Variants in KLHL2 observed in about 807,000 individuals in gnomAD.
KLHL2 encodes kelch-like protein 2.
A neutral mutation model predicts 75.8 loss-of-function variants in KLHL2; 15 were observed. That is an observed-to-expected ratio of 0.20 (90% CI 0.13 to 0.30). The LOEUF (loss-of-function observed/expected upper bound fraction) is 0.30. Among genes scored for constraint, KLHL2 ranks in the 10% least tolerant of loss-of-function variants. The probability of loss-of-function intolerance (pLI) is 1.00; values close to 1 mark genes in which losing one functional copy is unlikely to be tolerated. For missense variants in KLHL2, 381 were observed against 741.0 expected (o/e 0.51, Z 5.64); for synonymous variants, 214 against 251.9 (o/e 0.85, Z 1.42).
chr4:165,262,375 G>A (rs993716709), intron 4 of KLHL2, among the ~76,000 whole-genome samples: 4 of 152,148 alleles, frequency 2.6e-5, no homozygotes, highest in Admixed American at 6.5e-5. Flanking sequence ...TACCCCGTAA[G>A]GAAAGCAGTT....
At chr4:165,312,295 T>G (rs1746266996) in intron 11 of KLHL2, among the ~76,000 whole-genome samples, 1 of 152,126 alleles carries the variant, frequency 6.6e-6, no homozygotes, top group African/African-American at 2.4e-5. Context: ...GGGGGAACAA[T>G]TCAGGTGACA....
rs1034514470 is a variant in KLHL2 at position 165,250,266 on chromosome 4, G to A, written c.381+11367G>A. 5.3e-5 allele frequency among the ~76,000 whole-genome samples: 8 copies of A among 152,130 alleles called. No individual in the cohort carries two copies. The East Asian group carries it at 5.8e-4, about 11-fold the overall frequency. On this transcript the variant is annotated intron_variant, in intron 4 of 14. Coordinates refer to ENST00000226725, the MANE Select transcript of KLHL2 (RefSeq NM_007246.4). ...TTGAGTGGATGACCATGCTTCATTCGTAGCCACACATCTAGAAGTTGCCAA... is the reference window on the plus strand; with the variant it reads ...TTGAGTGGATGACCATGCTTCATTCATAGCCACACATCTAGAAGTTGCCAA...
chr4:165,321,365 C>G, intron 14 of KLHL2: 1 of 453,008 alleles, frequency 2.2e-6, no homozygotes, highest in Non-Finnish European at 4.4e-6. Flanking sequence ...TCCACTTCCC[C>G]TTAATGAATA....
At chr4:165,317,471 C>T (rs1560835948) in intron 13 of KLHL2, among the ~76,000 whole-genome samples, 1 of 151,314 alleles carries the variant, frequency 6.6e-6, no homozygotes, top group Non-Finnish European at 1.5e-5. Flanking sequence ...TCAAGTGATT[C>T]TCCGGCTTCA....
At chr4:165,318,248 G>T (rs1399999007) in intron 14 of KLHL2, among the ~76,000 whole-genome samples, 1 of 152,128 alleles carries the variant, frequency 6.6e-6, no homozygotes, top group Non-Finnish European at 1.5e-5. Context: ...CAGAGGAGAA[G>T]AATTCATATG....
chr4:165,281,309 C>CTTT lies in KLHL2; in HGVS notation c.545-13039_545-13037dup, dbSNP rs370907639. On this transcript the variant is annotated intron_variant, in intron 5 of 14. Coordinates refer to ENST00000226725, the MANE Select transcript of KLHL2 (RefSeq NM_007246.4). ...CTAACCTGATGCTCTCTCTCTCTCT[C>CTTT]TTTTTTTTTTTTTCATTTTTTATTG... Among the ~76,000 whole-genome samples the CTTT allele has an allele frequency of 5.2e-3, 722 of 139,612 alleles. 10 individuals are homozygous for CTTT. Among genetic ancestry groups the CTTT allele is most frequent in the African/African-American group, 0.017 (639 of 37,218 alleles). The allele number at this position is 139,612 out of a possible 152,430, so 91.6% of individuals were successfully genotyped here.
chr4:165,278,640 G>GGTCTT, intron 5 of KLHL2: 1 of 1,592,552 alleles, frequency 6.3e-7, no homozygotes. Context: ...ATAATTCCAA[G>GGTCTT]ATTGTCTCTT....
chr4:165,259,629 C>T (rs1015609547), intron 4 of KLHL2, among the ~76,000 whole-genome samples: 5 of 152,288 alleles, frequency 3.3e-5, no homozygotes, highest in South Asian at 4.1e-4. Flanking sequence ...TAGCACAGTG[C>T]CTGATGTAGT....
intron 1 of KLHL2, among the ~76,000 whole-genome samples, chr4:165,215,025 A>G (rs1439244411): frequency 1.3e-5 from 2 of 152,272 alleles, no homozygotes; most frequent in Non-Finnish European, 2.9e-5. Context: ...TATAGGGCAA[A>G]TGTTAACATT....
At chr4:165,238,999 G>T in intron 4 of KLHL2, 100 bp downstream of exon 4, 3 of 1,470,294 alleles carry the variant, frequency 2.0e-6, no homozygotes, top group South Asian at 1.5e-5. Context: ...CAAAATAATA[G>T]GATTCATTGT....
intron 8 of KLHL2, among the ~76,000 whole-genome samples, chr4:165,303,497 C>CCCCCCCCCA (rs1037547600): frequency 1.4e-5 from 2 of 143,874 alleles, no homozygotes; most frequent in Non-Finnish European, 3.2e-5. Context: ...CAACCTTGCC[C>CCCCCCCCCA]CCCCCGCCGT....
At chr4:165,248,808 A>T (rs1277151692) in intron 4 of KLHL2, among the ~76,000 whole-genome samples, 2 of 152,256 alleles carry the variant, frequency 1.3e-5, no homozygotes, top group Non-Finnish European at 2.9e-5. Context: ...TAGTGTGGTC[A>T]AAAGAATTCG....
chr4:165,268,422 T>A (rs1308525320), intron 5 of KLHL2, among the ~76,000 whole-genome samples: 1 of 152,206 alleles, frequency 6.6e-6, no homozygotes, highest in Non-Finnish European at 1.5e-5. Flanking sequence ...TGATTTTAGA[T>A]CTTTTCTGCT....
intron 6 of KLHL2, among the ~76,000 whole-genome samples, chr4:165,296,542 T>C (rs1404839600): frequency 2.0e-5 from 3 of 152,136 alleles, no homozygotes; most frequent in African/African-American, 7.2e-5. Flanking sequence ...AGGGTATGGA[T>C]CTGGGAGATG....
At chr4:165,244,767 T>C (rs997534539) in intron 4 of KLHL2, among the ~76,000 whole-genome samples, 51 of 152,224 alleles carry the variant, frequency 3.4e-4, no homozygotes, top group Non-Finnish European at 6.2e-4. Flanking sequence ...GCTTAACCTC[T>C]GATTGGCATT....
At chr4:165,279,771 T>C (rs534147254) in intron 5 of KLHL2, 2 of 774,738 alleles carry the variant, frequency 2.6e-6, no homozygotes, top group Admixed American at 1.9e-5. Context: ...GCCTCACTTC[T>C]TTACTGGCTG....
chr4:165,300,210 C>G (rs942620175), intron 8 of KLHL2, among the ~76,000 whole-genome samples: 1 of 151,840 alleles, frequency 6.6e-6, no homozygotes, highest in Admixed American at 6.5e-5. Context: ...ATCACCTGAA[C>G]CCAGGAGGCG....
chr4:165,282,361 G>A (rs1309779720), intron 5 of KLHL2, among the ~76,000 whole-genome samples: 2 of 152,306 alleles, frequency 1.3e-5, no homozygotes, highest in Admixed American at 6.5e-5. Flanking sequence ...CACTTTGGCT[G>A]TGTTGTGTTA....
chr4:165,315,822 G>C (rs1037272553), intron 13 of KLHL2, among the ~76,000 whole-genome samples: 1 of 152,154 alleles, frequency 6.6e-6, no homozygotes, highest in African/African-American at 2.4e-5. Context: ...ATGTTAAGCG[G>C]GGAGAGGTGA....
Sources: gnomAD v4.1 joint callset for allele counts (sites outside exome capture counted in the v4.1 genomes callset) on GRCh38, gnomAD v4.1.1 for gene constraint, MANE v1.5 for transcripts, NCBI Gene and HGNC (gene_info 2026-07-23, HGNC 2026-07-21) for gene names.